EFNA5: variants seen among roughly 807,000 people sequenced by gnomAD.
The protein encoded by EFNA5 is ephrin-A5.
Under a neutral mutation model 22.9 loss-of-function variants are expected in EFNA5, and 5 were observed. That is an observed-to-expected ratio of 0.22 (90% CI 0.11 to 0.46). EFNA5 has a LOEUF of 0.46. Ranked by LOEUF, EFNA5 falls within the 20% of genes least tolerant of loss-of-function variation. EFNA5 has a pLI of 0.99. For missense variants in EFNA5, 237 were observed against 293.3 expected, an observed-to-expected ratio of 0.81 and a Z score of 1.40; for synonymous variants, 113 against 112.2, an observed-to-expected ratio of 1.01 and a Z score of -0.04.
chr5:107,643,935 A>C (rs1750579105), intron 1 of EFNA5, among the ~76,000 whole-genome samples: 3 of 152,212 alleles, frequency 2.0e-5, no homozygotes, highest in South Asian at 2.1e-4. Context: ...TCTGTGTGTG[A>C]AAATTAGAAA....
At chr5:107,661,225 A>G (rs1196962448) in intron 1 of EFNA5, among the ~76,000 whole-genome samples, 1 of 152,188 alleles carries the variant, frequency 6.6e-6, no homozygotes, top group Admixed American at 6.5e-5. Context: ...CTTAGCCTCC[A>G]TTATCCCAAC....
At chr5:107,440,444 T>C (rs1749226339) in intron 1 of EFNA5, among the ~76,000 whole-genome samples, 2 of 152,214 alleles carry the variant, frequency 1.3e-5, no homozygotes, top group South Asian at 4.1e-4. Context: ...CCTATTGAAC[T>C]TTCAGAATTT....
At chr5:107,429,675 C>G (rs1375242908) in intron 1 of EFNA5, among the ~76,000 whole-genome samples, 1 of 152,248 alleles carries the variant, frequency 6.6e-6, no homozygotes, top group African/African-American at 2.4e-5. Context: ...ATCATGAGAA[C>G]CTGCCTTGCT....
At chr5:107,411,886 T>C (rs903195519) in intron 2 of EFNA5, among the ~76,000 whole-genome samples, 6 of 152,230 alleles carry the variant, frequency 3.9e-5, no homozygotes, top group Admixed American at 2.6e-4. Flanking sequence ...TTTGTTTAAG[T>C]TAGCTGAAGT....
chr5:107,524,017 C>T (rs915465683), intron 1 of EFNA5, among the ~76,000 whole-genome samples: 19 of 152,186 alleles, frequency 1.2e-4, no homozygotes, highest in African/African-American at 4.6e-4. Context: ...TTAATAGATT[C>T]CTTTTTAATG....
At chr5:107,585,076 C>A (rs1363452261) in intron 1 of EFNA5, among the ~76,000 whole-genome samples, 1 of 152,168 alleles carries the variant, frequency 6.6e-6, no homozygotes, top group Non-Finnish European at 1.5e-5. Context: ...GGGCAGTCCC[C>A]ATGGGCTACA....
At chr5:107,577,349 C>T (rs1748948342) in intron 1 of EFNA5, among the ~76,000 whole-genome samples, 2 of 152,002 alleles carry the variant, frequency 1.3e-5, no homozygotes, top group East Asian at 3.9e-4. Flanking sequence ...CTGTGAATAG[C>T]ATTTCATAGT....
In EFNA5 at chr5:107,626,506, C is replaced by T. The variant is rs141679667; in HGVS notation, c.125+43983G>A. On this transcript the variant is annotated intron_variant, in intron 1 of 4. Coordinates refer to ENST00000333274, the MANE Select transcript of EFNA5 (RefSeq NM_001962.3). ...ATGTTGCCCAGACTGGTCTCAAACT[C>T]CTGGCCTCCAGCAATCCTCCCACCT... 7.4e-3 allele frequency among the ~76,000 whole-genome samples: 1,133 copies of T among 152,210 alleles called. 16 individuals carry two copies. Among genetic ancestry groups the T allele is most frequent in the African/African-American group, 0.025 (1,049 of 41,510 alleles).
chr5:107,477,467 T>C (rs1181057567), intron 1 of EFNA5, among the ~76,000 whole-genome samples: 1 of 152,216 alleles, frequency 6.6e-6, no homozygotes, highest in Non-Finnish European at 1.5e-5. Context: ...CTTTCTTACA[T>C]GAGGTATTAC....
chr5:107,593,189 A>C (rs897070332), intron 1 of EFNA5, among the ~76,000 whole-genome samples: 4 of 152,166 alleles, frequency 2.6e-5, no homozygotes, highest in Admixed American at 1.3e-4. Flanking sequence ...AGAAGATACT[A>C]ATCAGATACA....
intron 2 of EFNA5, among the ~76,000 whole-genome samples, chr5:107,414,453 T>C (rs1298265978): frequency 6.6e-6 from 1 of 152,166 alleles, no homozygotes; most frequent in African/African-American, 2.4e-5. Flanking sequence ...AGGACAAAAA[T>C]CATATTGAAT....
chr5:107,387,405 T>TC, intron 3 of EFNA5, 90 bp from the exon 4 acceptor site: 1 of 857,216 alleles, frequency 1.2e-6, no homozygotes, highest in South Asian at 1.8e-5. Flanking sequence ...CTCCTTTTTT[T>TC]CTTTTTTTAT....
chr5:107,629,550 G>A (rs749392583), intron 1 of EFNA5, among the ~76,000 whole-genome samples: 1 of 152,228 alleles, frequency 6.6e-6, no homozygotes, highest in South Asian at 2.1e-4. Context: ...TGTAACAAAC[G>A]TACCACTGTG....
intron 1 of EFNA5, among the ~76,000 whole-genome samples, chr5:107,430,499 G>A (rs1411045443): frequency 2.0e-5 from 3 of 151,910 alleles, no homozygotes; most frequent in African/African-American, 7.3e-5. Context: ...GACCCATTCT[G>A]TTACTCCTTT....
At chr5:107,383,456 C>T (rs1307201962) in intron 4 of EFNA5, among the ~76,000 whole-genome samples, 1 of 152,170 alleles carries the variant, frequency 6.6e-6, no homozygotes, top group Non-Finnish European at 1.5e-5. Context: ...AAATTAAAAT[C>T]CAAATCACTT....
At chr5:107,556,615 G>A (rs571528924) in intron 1 of EFNA5, among the ~76,000 whole-genome samples, 51 of 151,768 alleles carry the variant, frequency 3.4e-4, no homozygotes, top group Non-Finnish European at 6.9e-4. Context: ...GCATGGTAGC[G>A]GGTACCTGTA....
chr5:107,421,396 T>C (rs1748661095), intron 2 of EFNA5, among the ~76,000 whole-genome samples: 1 of 152,236 alleles, frequency 6.6e-6, no homozygotes, highest in Non-Finnish European at 1.5e-5. Flanking sequence ...AGATCTCTCA[T>C]TAAAACATAC....
At chr5:107,415,879 A>T (rs367632234) in intron 2 of EFNA5, among the ~76,000 whole-genome samples, 2 of 152,216 alleles carry the variant, frequency 1.3e-5, no homozygotes, top group Non-Finnish European at 2.9e-5. Context: ...AGGTAAGGCA[A>T]TCCCTGGCAT....
At chr5:107,655,609 G>A (rs1750804225) in intron 1 of EFNA5, among the ~76,000 whole-genome samples, 1 of 151,882 alleles carries the variant, frequency 6.6e-6, no homozygotes, top group Non-Finnish European at 1.5e-5. Flanking sequence ...GCATAAATGA[G>A]GTTTGTACCT....
Sources: allele counts gnomAD v4.1 joint callset (sites outside exome capture counted in the v4.1 genomes callset), GRCh38; gene constraint gnomAD v4.1.1; transcripts MANE v1.5; gene names NCBI Gene and HGNC (gene_info 2026-07-23, HGNC 2026-07-21).